The following AGBL5 variants were observed in gnomAD, a reference collection of about 807,000 sequenced individuals.
AGBL5 encodes the protein AGBL carboxypeptidase 5, also known as cytosolic carboxypeptidase-like protein 5.
AGBL5 carries 51 observed loss-of-function variants against 88.0 expected under a neutral mutation model. The ratio of observed to expected loss-of-function variants is 0.58; its 90% CI spans 0.46 to 0.73. The LOEUF (loss-of-function observed/expected upper bound fraction) is 0.73. Ranked by LOEUF, AGBL5 falls within the 30% of genes least tolerant of loss-of-function variation. The pLI is 0.00. For missense variants in AGBL5, 1,031 were observed against 1,162.2 expected (o/e 0.89, Z 1.64); for synonymous variants, 446 against 438.8 (o/e 1.02, Z -0.21).
chr2:27,064,650 G>C (rs1668888873), intron 11 of AGBL5, among the ~76,000 whole-genome samples: 1 of 150,384 alleles, frequency 6.6e-6, no homozygotes, highest in South Asian at 2.1e-4. Flanking sequence ...CCTCATAATA[G>C]AGTAGCTTCC....
chr2:27,063,936 T>TCACTCTTG (rs1168582341), intron 11 of AGBL5, among the ~76,000 whole-genome samples: 17 of 152,214 alleles, frequency 1.1e-4, no homozygotes, highest in African/African-American at 3.9e-4. Context: ...GCTGATCACA[T>TCACTCTTG]CACTCTTGCA....
intron 12 of AGBL5, chr2:27,067,916 T>TG (rs1194934690): frequency 1.0e-5 from 5 of 502,180 alleles, no homozygotes; most frequent in Non-Finnish European, 1.1e-5. Flanking sequence ...TGAAGACTTT[T>TG]GTCTACCTGC....
intron 6 of AGBL5, chr2:27,055,454 C>T: frequency 1.2e-6 from 1 of 854,204 alleles, no homozygotes; most frequent in Non-Finnish European, 1.8e-6. Flanking sequence ...AGGATGACTG[C>T]AGGCCCATCT....
chr2:27,059,157 G>A (rs753051567), intron 10 of AGBL5, 33 bp from the exon 11 acceptor site: 1 of 1,600,620 alleles, frequency 6.2e-7, no homozygotes, highest in Admixed American at 1.7e-5. Flanking sequence ...CAACCTTCCT[G>A]GCCCGGGTTA....
In AGBL5 at chr2:27,058,462, T is replaced by C; in HGVS notation, c.1734T>C (p.Ile578=). ...DMAECNPWPR[I]VLSEHSSLTN... Reference sequence around the variant, plus strand: ...CGGAATGTAATCCGTGGCCCCGAATTGTACTGTCAGAGCACAGCAGCCTTA... The same window carrying C: ...CGGAATGTAATCCGTGGCCCCGAATCGTACTGTCAGAGCACAGCAGCCTTA... The change falls in exon 10 of 15, where the codon ATT becomes ATC. Residue 578 remains isoleucine (I), a synonymous_variant. Coordinates refer to ENST00000360131, the MANE Select transcript of AGBL5 (RefSeq NM_021831.6). The C allele has an allele frequency of 6.2e-7, 1 of 1,614,020 alleles. No individual in the cohort carries two copies. Among genetic ancestry groups the C allele is most frequent in the Non-Finnish European group, 8.5e-7 (1 of 1,180,026 alleles).
At chr2:27,050,867 A>G (rs1244228205), upstream of AGBL5, 4 of 152,234 alleles carry the variant, frequency 2.6e-5, no homozygotes, top group Non-Finnish European at 5.9e-5. Flanking sequence ...TCCGGCTCGA[A>G]GGACTTCGTC....
chr2:27,053,954 C>A lies in AGBL5; in HGVS notation c.446C>A (p.Ala149Asp). 1.2e-6 allele frequency: 2 copies of A among 1,614,144 alleles called. No homozygotes were observed. Among genetic ancestry groups the A allele is most frequent in the Non-Finnish European group, 1.7e-6 (2 of 1,180,020 alleles). ...CATCGTTTCGTGGAGGGCCGTGGGG[C>A]CACCACCTTCTTCGCCTTCTGCTAC... ...FVHRFVEGRG[A>D]TTFFAFCYPF... The change falls in exon 4 of 15, where the codon GCC becomes GAC. Residue 149 changes from alanine to aspartate, a missense_variant. Around this residue, in one of 2 missense-constraint regions of AGBL5, gnomAD observed 540 missense variants for 678.2 expected, o/e 0.80. Transcript: ENST00000360131. This position sits in a 1 kb window ranked among gnomAD's most constrained non-coding sequence, Gnocchi z 4.9.
At position 27,051,713 on chromosome 2, in the gene AGBL5, C is replaced by T. The variant is rs1192760688; in HGVS notation, c.-127C>T. On this transcript the variant is annotated 5_prime_UTR_variant, in exon 1 of 15. Transcript: ENST00000360131. ...CGGCGCTCGGGTGTTTTTGGGGGCC[C>T]GGGTGGAGGGCCCGGGTGCCGGGGC... The T allele has an allele frequency of 6.6e-6, 1 of 152,232 alleles. No individual in the cohort carries two copies. The highest frequency in any genetic ancestry group is 1.5e-5 in the Non-Finnish European group (1 of 68,070). The allele number at this position is 152,232 out of a possible 1,614,324, so 9.4% of individuals were successfully genotyped here.
chr2:27,058,501 C>G lies in AGBL5; in HGVS notation c.1773C>G (p.Ala591=). The G allele has an allele frequency of 6.2e-7, 1 of 1,614,176 alleles. No individual in the cohort carries two copies. The highest frequency in any genetic ancestry group is 8.5e-7 in the Non-Finnish European group (1 of 1,180,042). Residue 591 remains alanine (A), a synonymous_variant, in exon 10 of 15, where the codon GCC becomes GCG. Transcript: ENST00000360131. ...ACAGCAGCCTTACTAATCTACGGGC[C>G]TGGATGCTGAAACATGTACGCAACA... The part of the protein sequence containing the change: ...SEHSSLTNLR[A]WMLKHVRNSR...
chr2:27,055,304 C>A, intron 6 of AGBL5, 51 bp downstream of exon 6: 2 of 1,581,238 alleles, frequency 1.3e-6, no homozygotes, highest in Non-Finnish European at 8.6e-7. Context: ...CCCTCATGCC[C>A]TGCATCTCAG....
chr2:27,052,455 G>A (rs561128878), intron 1 of AGBL5: 1 of 152,464 alleles, frequency 6.6e-6, no homozygotes, highest in African/African-American at 2.4e-5. Context: ...TTTACACTCA[G>A]AACCTCGATT....
At position 27,070,471 on chromosome 2, in the gene AGBL5, A is replaced by AT; in HGVS notation, c.*212dup. Reference sequence around the variant, plus strand: ...CCCTTCCCTCCCTCCGCAGCACAAGATTTTGGGACCACAAAAAAAAGTCTA... The same window carrying AT: ...CCCTTCCCTCCCTCCGCAGCACAAGATTTTTGGGACCACAAAAAAAAGTCTA... On this transcript the variant is annotated 3_prime_UTR_variant, in exon 15 of 15. Coordinates refer to ENST00000360131, the MANE Select transcript of AGBL5 (RefSeq NM_021831.6). 1.9e-6 allele frequency: 1 copy of AT among 537,890 alleles called. No individual in the cohort carries two copies. The highest frequency in any genetic ancestry group is 2.9e-5 in the East Asian group (1 of 34,366). The allele number at this position is 537,890 out of a possible 1,614,324, so 33.3% of individuals were successfully genotyped here. A position where few individuals can be genotyped will look rare whatever the true frequency, so the allele number is the denominator to read the frequency against.
intron 6 of AGBL5, 70 bp from the exon 7 acceptor site, chr2:27,055,612 T>G (rs1668387334): frequency 7.1e-7 from 1 of 1,405,442 alleles, no homozygotes; most frequent in Admixed American, 2.0e-5. Context: ...GGTCTCCTTT[T>G]CATCTACACT....
At chr2:27,065,550 A>G (rs1668942827) in intron 11 of AGBL5, among the ~76,000 whole-genome samples, 1 of 152,234 alleles carries the variant, frequency 6.6e-6, no homozygotes, top group African/African-American at 2.4e-5. Flanking sequence ...TGGAGGCAAC[A>G]AAGTCCCTAC....
intron 13 of AGBL5, chr2:27,069,033 T>C: frequency 1.4e-6 from 2 of 1,395,412 alleles, no homozygotes; most frequent in Non-Finnish European, 9.5e-7. Context: ...TAGCTTCTCC[T>C]CTCTTTCTGC....
intron 11 of AGBL5, among the ~76,000 whole-genome samples, chr2:27,063,701 G>C (rs186316860): frequency 1.3e-5 from 2 of 152,268 alleles, no homozygotes; most frequent in East Asian, 3.9e-4. Flanking sequence ...TGCTAGGGAC[G>C]GTTCCAAAGA....
At chr2:27,065,864 G>A (rs1668959941) in intron 11 of AGBL5, among the ~76,000 whole-genome samples, 1 of 152,192 alleles carries the variant, frequency 6.6e-6, no homozygotes, top group Non-Finnish European at 1.5e-5. Flanking sequence ...CTATAGCAGA[G>A]GGTATGAAGG....
At chr2:27,054,349 C>T (rs552850964) in intron 4 of AGBL5, 1 of 552,738 alleles carries the variant, frequency 1.8e-6, no homozygotes, top group Non-Finnish European at 3.2e-6. Flanking sequence ...CTCAGTATAC[C>T]TTTTTTATCT....
At position 27,056,791 on chromosome 2, in the gene AGBL5, A is replaced by T; in HGVS notation, c.1534A>T (p.Ser512Cys). ...CTACAAAGCCTCAGGGATAATCCAC[A>T]GGTTGGGTGGAAGCTGAGATATAGT... is the stretch of plus-strand genomic sequence containing the variant. ...AIYKASGIIH[S>C]YTLECNYNTG... is the part of the protein sequence containing the mutation. The change falls in exon 8 of 15, where the codon AGC becomes TGC. Residue 512 changes from serine (S) to cysteine (C), a missense_variant and splice_region_variant. By Grantham distance (112) the Ser-to-Cys change is moderately radical (BLOSUM62 -1). Around this residue, in one of 2 missense-constraint regions of AGBL5, gnomAD observed 540 missense variants for 678.2 expected, o/e 0.80. Coordinates refer to ENST00000360131, the MANE Select transcript of AGBL5 (RefSeq NM_021831.6). 3.8e-6 allele frequency: 6 copies of T among 1,599,440 alleles called. No homozygotes were observed. The highest frequency in any genetic ancestry group is 5.1e-6 in the Non-Finnish European group (6 of 1,171,512).
Sources: gnomAD v4.1 joint callset for allele counts (sites outside exome capture counted in the v4.1 genomes callset) on GRCh38, gnomAD v4.1.1 for gene constraint, gnomAD v4.1.1 regional missense constraint, Gnocchi (gnomAD v3.1) non-coding constraint, MANE v1.5 for transcripts, NCBI Gene and HGNC (gene_info 2026-07-23, HGNC 2026-07-21) for gene names.